EPS15: variants seen among roughly 807,000 people sequenced by gnomAD.
The protein encoded by EPS15 is epidermal growth factor receptor substrate 15.
Under a neutral mutation model 113.8 loss-of-function variants are expected in EPS15, and 72 were observed. That is an observed-to-expected ratio of 0.63 (90% confidence interval 0.52 to 0.77). The LOEUF (loss-of-function observed/expected upper bound fraction) is 0.77. EPS15 is among the 30% of genes least tolerant of loss of function. The pLI is 0.00. For synonymous variants in EPS15, 344 were observed against 363.4 expected (o/e 0.95, Z 0.61); for missense variants, 1,048 against 1,045.8 (o/e 1.00, Z -0.03).
intron 4 of EPS15, among the ~76,000 whole-genome samples, chr1:51,471,419 C>G (rs776213882): frequency 6.6e-6 from 1 of 152,130 alleles, no homozygotes; most frequent in Non-Finnish European, 1.5e-5. Context: ...ACTTATAACC[C>G]TATGTAACTA....
intron 12 of EPS15, among the ~76,000 whole-genome samples, chr1:51,436,516 T>C (rs1389425397): frequency 3.3e-5 from 5 of 152,104 alleles, no homozygotes; most frequent in Non-Finnish European, 7.4e-5. Context: ...CATAATCTAG[T>C]GGGAGATTAA....
Position 51,382,127 on chromosome 1 carries a change from T to C in EPS15, c.2119+12254A>G, listed in dbSNP as rs376701962. On this transcript the variant is annotated intron_variant, in intron 21 of 24. Coordinates refer to ENST00000371733, the MANE Select transcript of EPS15 (RefSeq NM_001981.3). ...GACATTACTAGTAATTTCACAGAAA[T>C]AAAAAGGATTGTTAACACAGTGCTA... Among the ~76,000 whole-genome samples, 17 of 152,118 alleles carry C rather than the reference T, an allele frequency of 1.1e-4. No homozygotes were observed. In the East Asian group the frequency reaches 3.1e-3, roughly 28 times the overall value.
intron 20 of EPS15, among the ~76,000 whole-genome samples, chr1:51,398,754 C>T (rs1171402994): frequency 6.6e-6 from 1 of 152,150 alleles, no homozygotes; most frequent in Non-Finnish European, 1.5e-5. Context: ...AATTTCCAAT[C>T]ATTTTTAGTA....
intron 6 of EPS15, among the ~76,000 whole-genome samples, chr1:51,464,099 A>G (rs1409675613): frequency 6.6e-6 from 1 of 152,206 alleles, no homozygotes; most frequent in African/African-American, 2.4e-5. Context: ...TCAGAGGTAG[A>G]AGGGCTTTGA....
chr1:51,454,431 T>C (rs932323006), intron 8 of EPS15, among the ~76,000 whole-genome samples: 5 of 152,178 alleles, frequency 3.3e-5, no homozygotes, highest in Admixed American at 3.3e-4. Flanking sequence ...GGCAAACACT[T>C]ATCTTAAATA....
intron 1 of EPS15, chr1:51,490,290 G>C (rs1644207398): frequency 6.7e-6 from 3 of 447,852 alleles, no homozygotes. Flanking sequence ...GGAAGGCCAG[G>C]CATGGTGGCT....
At chr1:51,426,525 A>C (rs1300042717) in intron 12 of EPS15, among the ~76,000 whole-genome samples, 2 of 151,152 alleles carry the variant, frequency 1.3e-5, no homozygotes, top group African/African-American at 4.9e-5. Flanking sequence ...ATATTTGGAC[A>C]AACACGACCC....
chr1:51,518,962 G>C (rs1415694220), intron 1 of EPS15, among the ~76,000 whole-genome samples: 10 of 151,292 alleles, frequency 6.6e-5, no homozygotes, highest in Non-Finnish European at 1.5e-4. Flanking sequence ...GCCGCGCGGG[G>C]CGGGGCAGGA....
chr1:51,427,974 A>G (rs781239805), intron 12 of EPS15, among the ~76,000 whole-genome samples: 18 of 152,212 alleles, frequency 1.2e-4, no homozygotes, highest in Non-Finnish European at 1.9e-4. Context: ...TTAAAATAGC[A>G]AGCAAGAAGA....
intron 13 of EPS15, among the ~76,000 whole-genome samples, chr1:51,421,306 G>T (rs1488060349): frequency 2.0e-5 from 3 of 151,984 alleles, no homozygotes; most frequent in Non-Finnish European, 2.9e-5. Context: ...ACTTTAAATT[G>T]TTCTGTATCA....
chr1:51,409,144 C>T (rs1189380809), intron 14 of EPS15, among the ~76,000 whole-genome samples: 2 of 152,132 alleles, frequency 1.3e-5, no homozygotes, highest in Admixed American at 6.5e-5. Flanking sequence ...TGGTCTCCAA[C>T]TCCTGGGCTC....
At chr1:51,412,343 T>C (rs1649806697) in intron 13 of EPS15, among the ~76,000 whole-genome samples, 1 of 152,162 alleles carries the variant, frequency 6.6e-6, no homozygotes, top group Non-Finnish European at 1.5e-5. Context: ...ACCTGTACGT[T>C]CCACACATGT....
chr1:51,508,430 T>C (rs1644562597), intron 1 of EPS15, among the ~76,000 whole-genome samples: 1 of 152,142 alleles, frequency 6.6e-6, no homozygotes, highest in South Asian at 2.1e-4. Context: ...TAAGTATTAA[T>C]AATAATACAA....
In EPS15 at chr1:51,503,500, G is replaced by A. The variant is rs529256157; in HGVS notation, c.33+15699C>T. Among the ~76,000 whole-genome samples the A allele has an allele frequency of 2.0e-5, 3 of 152,230 alleles. No individual in the cohort carries two copies. In the South Asian group the frequency reaches 6.2e-4, roughly 32 times the overall value. ...CTACTAAAAATACAAAAATTAACCA[G>A]GAATGGTGGCATGCGCCTGTAATCC... On this transcript the variant is annotated intron_variant, in intron 1 of 24. Transcript: ENST00000371733.
chr1:51,409,563 C>T lies in EPS15; in HGVS notation c.1247G>A (p.Arg416Lys). ...TTGGGCCTCCTCAGCACATTTCTTT[C>T]TGACTTCCTTGAGTTGCTCCTCCAG... Reference protein sequence around the residue: ...AQLEEQLKEVRKKCAEEAQLI... With the variant: ...AQLEEQLKEVKKKCAEEAQLI... The change falls in exon 14 of 25, where the codon AGA becomes AAA. Residue 416 changes from arginine to lysine, a missense_variant. By Grantham distance (26) the Arg-to-Lys change is conservative (BLOSUM62 2). Transcript: ENST00000371733. The T allele has an allele frequency of 6.2e-7, 1 of 1,613,636 alleles. No homozygotes were observed. Among genetic ancestry groups the T allele is most frequent in the Non-Finnish European group, 8.5e-7 (1 of 1,179,910 alleles).
intron 12 of EPS15, chr1:51,423,521 C>T (rs1438270206): frequency 4.1e-6 from 4 of 985,186 alleles, no homozygotes; most frequent in African/African-American, 1.7e-5. Flanking sequence ...AAATCTAGCA[C>T]CCTCCCCCCA....
At chr1:51,471,952 G>A (rs1167138440) in intron 3 of EPS15, among the ~76,000 whole-genome samples, 2 of 151,806 alleles carry the variant, frequency 1.3e-5, no homozygotes, top group Admixed American at 6.6e-5. Flanking sequence ...AGCTTTGCAC[G>A]TGGCCCAACA....
At position 51,408,324 on chromosome 1, in the gene EPS15, A is replaced by C; in HGVS notation, c.1284T>G (p.Ser428=). 1 of 1,609,552 alleles carries C rather than the reference A, an allele frequency of 6.2e-7. No individual in the cohort carries two copies. The highest frequency in any genetic ancestry group is 8.5e-7 in the Non-Finnish European group (1 of 1,175,832). Residue 428 remains serine, a synonymous_variant, in exon 15 of 25, where the codon TCT becomes TCG. Coordinates refer to ENST00000371733, the MANE Select transcript of EPS15 (RefSeq NM_001981.3). ...CCTGACTAGTTAATTCAGCTTTCAG[A>C]GAAGAGATCTATAATGTGAAAGTGA... The part of the protein sequence containing the change: ...KCAEEAQLIS[S]LKAELTSQES...
chr1:51,472,165 G>A (rs915401206), intron 3 of EPS15, among the ~76,000 whole-genome samples: 1 of 152,118 alleles, frequency 6.6e-6, no homozygotes, highest in Non-Finnish European at 1.5e-5. Context: ...GGCCCAATGA[G>A]GGTAAGTGAC....
Sources: gnomAD v4.1 joint callset for allele counts (sites outside exome capture counted in the v4.1 genomes callset) on GRCh38, gnomAD v4.1.1 for gene constraint, MANE v1.5 for transcripts, NCBI Gene and HGNC (gene_info 2026-07-23, HGNC 2026-07-21) for gene names.